The following GRM7 variants were observed in gnomAD, a reference collection of about 807,000 sequenced individuals.
GRM7 encodes the protein glutamate metabotropic receptor 7.
GRM7 carries 35 observed loss-of-function variants against 84.5 expected under a neutral mutation model. The ratio of observed to expected loss-of-function variants is 0.41; its 90% CI spans 0.32 to 0.55. The LOEUF is 0.55. GRM7 is among the 20% of genes least tolerant of loss of function. The pLI is 0.19. For synonymous variants in GRM7, 487 were observed against 455.1 expected, an observed-to-expected ratio of 1.07 and a Z score of -0.89; for missense variants, 1,003 against 1,194.6, an observed-to-expected ratio of 0.84 and a Z score of 2.36.
chr3:7,683,030 C>T (rs765113668), intron 9 of GRM7, among the ~76,000 whole-genome samples: 10 of 152,336 alleles, frequency 6.6e-5, no homozygotes, highest in Non-Finnish European at 1.3e-4. Context: ...CTTCAACCCA[C>T]GCTTGTTCCT....
rs758351456 is a variant in GRM7 at position 6,861,709 on chromosome 3, C to T, written c.321C>T (p.Asp107=). The change falls in exon 1 of 10, where the codon GAC becomes GAT. Residue 107 remains aspartate, a synonymous_variant. Coordinates refer to ENST00000357716, the MANE Select transcript of GRM7 (RefSeq NM_000844.4). The surrounding 1 kb of genome is among the most constrained non-coding windows in gnomAD (Gnocchi z 6.4). Reference sequence around the variant, plus strand: ...TGACGCTGGGCGCGCGGATCCTGGACACTTGTTCCAGGGACACTTACGCGC... The same window carrying T: ...TGACGCTGGGCGCGCGGATCCTGGATACTTGTTCCAGGGACACTTACGCGC... ...PNVTLGARIL[D]TCSRDTYALE... 1.1e-5 allele frequency: 17 copies of T among 1,614,032 alleles called. No individual in the cohort carries two copies. In the Admixed American group the frequency reaches 1.8e-4, roughly 17 times the overall value.
chr3:7,501,649 T>C (rs1699887185), intron 7 of GRM7, among the ~76,000 whole-genome samples: 1 of 152,212 alleles, frequency 6.6e-6, no homozygotes, highest in Admixed American at 6.5e-5. Context: ...AAGCTACCTA[T>C]TATGGTACTT....
chr3:6,892,187 A>G (rs575670045), intron 1 of GRM7, among the ~76,000 whole-genome samples: 321 of 152,144 alleles, frequency 2.1e-3, no homozygotes, highest in African/African-American at 7.4e-3. Flanking sequence ...CAGTCAGATG[A>G]CCTAGGATTG....
chr3:7,339,110 A>C (rs753692388), intron 4 of GRM7, among the ~76,000 whole-genome samples: 3 of 152,072 alleles, frequency 2.0e-5, no homozygotes, highest in Non-Finnish European at 2.9e-5. Flanking sequence ...TCATGTCCCA[A>C]ATATGTTCTA....
chr3:7,124,666 T>C (rs888509171), intron 1 of GRM7, among the ~76,000 whole-genome samples: 3 of 152,134 alleles, frequency 2.0e-5, no homozygotes, highest in Non-Finnish European at 4.4e-5. Flanking sequence ...ACAATGATAC[T>C]TTTTTCTTAT....
intron 1 of GRM7, among the ~76,000 whole-genome samples, chr3:7,140,014 AT>A (rs1202398607): frequency 6.6e-6 from 1 of 152,046 alleles, no homozygotes; most frequent in African/African-American, 2.4e-5. Context: ...CTGAATATAC[AT>A]TTCTTCAAAG....
In GRM7 at chr3:6,861,799, C is replaced by T; in HGVS notation, c.411C>T (p.Thr137=). Residue 137 remains threonine, a synonymous_variant, in exon 1 of 10, where the codon ACC becomes ACT. Transcript: ENST00000357716. The surrounding 1 kb of genome is among the most constrained non-coding windows in gnomAD (Gnocchi z 6.4). ...IQKDTSDVRC[T]NGEPPVFVKP... The stretch of plus-strand genomic sequence containing the variant: ...AGGACACCTCCGACGTGCGCTGCAC[C>T]AACGGCGAACCGCCGGTTTTCGTCA... The T allele has an allele frequency of 1.2e-6, 2 of 1,614,170 alleles. No homozygotes were observed. Among genetic ancestry groups the T allele is most frequent in the Non-Finnish European group, 8.5e-7 (1 of 1,180,042 alleles).
chr3:7,674,279 C>T (rs1700044497), intron 8 of GRM7, among the ~76,000 whole-genome samples: 1 of 151,718 alleles, frequency 6.6e-6, no homozygotes, highest in African/African-American at 2.4e-5. Flanking sequence ...GCAACCTCTG[C>T]CTTCTGGATT....
chr3:7,370,364 G>T (rs568137327), intron 4 of GRM7, among the ~76,000 whole-genome samples: 1 of 152,084 alleles, frequency 6.6e-6, no homozygotes, highest in Non-Finnish European at 1.5e-5. Flanking sequence ...AAGTCGATAT[G>T]ATTTCGTAGT....
At chr3:7,395,325 T>C (rs1483049802) in intron 4 of GRM7, among the ~76,000 whole-genome samples, 1 of 152,218 alleles carries the variant, frequency 6.6e-6, no homozygotes, top group African/African-American at 2.4e-5. Context: ...TATGATCATG[T>C]ATTCAAGTTG....
chr3:7,598,593 G>A (rs764247944), intron 8 of GRM7, among the ~76,000 whole-genome samples: 47 of 152,160 alleles, frequency 3.1e-4, no homozygotes, highest in Non-Finnish European at 5.7e-4. Context: ...TCTTGAAGTT[G>A]TCCTTTATAA....
At chr3:7,103,836 C>CTG (rs1699207090) in intron 1 of GRM7, among the ~76,000 whole-genome samples, 1 of 127,238 alleles carries the variant, frequency 7.9e-6, no homozygotes, top group African/African-American at 4.0e-5. Flanking sequence ...CTCTGTCTCT[C>CTG]TCTCCCTCTC....
Position 6,861,771 on chromosome 3 carries a change from A to G in GRM7, c.383A>G (p.Gln128Arg). The G allele has an allele frequency of 6.2e-7, 1 of 1,614,226 alleles. No individual in the cohort carries two copies. Among genetic ancestry groups the G allele is most frequent in the South Asian group, 1.1e-5 (1 of 91,090 alleles). ...CTTACTTTCGTCCAGGCGCTCATCCAGAAGGACACCTCCGACGTGCGCTGC... is the reference window on the plus strand; with the variant it reads ...CTTACTTTCGTCCAGGCGCTCATCCGGAAGGACACCTCCGACGTGCGCTGC... Reference protein sequence around the residue: ...QSLTFVQALIQKDTSDVRCTN... With the variant: ...QSLTFVQALIRKDTSDVRCTN... Residue 128 changes from glutamine (Q) to arginine (R), a missense_variant, in exon 1 of 10, where the codon CAG (glutamine) becomes CGG (arginine). Gln to Arg is a conservative substitution (Grantham distance 43). Around this residue, in one of 2 missense-constraint regions of GRM7, gnomAD observed 910 missense variants for 1,126.0 expected, o/e 0.81. Coordinates refer to ENST00000357716, the MANE Select transcript of GRM7 (RefSeq NM_000844.4). The surrounding 1 kb of genome is among the most constrained non-coding windows in gnomAD (Gnocchi z 6.4).
intron 1 of GRM7, among the ~76,000 whole-genome samples, chr3:7,140,500 T>C (rs892799058): frequency 6.6e-5 from 10 of 152,082 alleles, no homozygotes; most frequent in Admixed American, 3.3e-4. Flanking sequence ...CACTTACTTA[T>C]ACGTAACCTT....
chr3:7,445,817 T>C (rs969101764), intron 5 of GRM7, among the ~76,000 whole-genome samples: 1 of 152,160 alleles, frequency 6.6e-6, no homozygotes, highest in Non-Finnish European at 1.5e-5. Context: ...GAGTTATTTA[T>C]CTGTTTATCT....
At chr3:7,482,197 C>T (rs1083799) in intron 7 of GRM7, among the ~76,000 whole-genome samples, 50,806 of 151,888 alleles carry the variant, frequency 0.33, 8,715 homozygotes, top group East Asian at 0.4. Context: ...CAAACAAAAA[C>T]GAAAACAAAA....
chr3:7,428,856 T>C (rs1386084314), intron 5 of GRM7, among the ~76,000 whole-genome samples: 1 of 152,214 alleles, frequency 6.6e-6, no homozygotes, highest in Non-Finnish European at 1.5e-5. Context: ...ATTTTCTTCA[T>C]TAAAATATTA....
At chr3:7,391,664 A>T (rs960349564) in intron 4 of GRM7, among the ~76,000 whole-genome samples, 1 of 152,108 alleles carries the variant, frequency 6.6e-6, no homozygotes, top group Non-Finnish European at 1.5e-5. Flanking sequence ...CATATGTAAC[A>T]AACCTGCACA....
intron 2 of GRM7, among the ~76,000 whole-genome samples, chr3:7,274,603 T>G (rs1222325427): frequency 6.6e-6 from 1 of 152,096 alleles, no homozygotes; most frequent in Non-Finnish European, 1.5e-5. Flanking sequence ...CATGTTCTTC[T>G]TGCTTATATG....
Sources: gnomAD v4.1 joint callset for allele counts (sites outside exome capture counted in the v4.1 genomes callset) on GRCh38, gnomAD v4.1.1 for gene constraint, gnomAD v4.1.1 regional missense constraint, Gnocchi (gnomAD v3.1) non-coding constraint, MANE v1.5 for transcripts, NCBI Gene and HGNC (gene_info 2026-07-23, HGNC 2026-07-21) for gene names.